Variants in SLC24A2 observed in about 807,000 individuals in gnomAD.
SLC24A2 encodes sodium/potassium/calcium exchanger 2.
Under a neutral mutation model 62.0 loss-of-function variants are expected in SLC24A2, and 36 were observed. The observed-to-expected ratio is 0.58, with a 90% CI of 0.44 to 0.77. The LOEUF (loss-of-function observed/expected upper bound fraction) is 0.77. Among genes scored for constraint, SLC24A2 ranks in the 30% least tolerant of loss-of-function variants. SLC24A2 has a pLI of 0.00. For missense variants in SLC24A2, 846 were observed against 817.9 expected, an observed-to-expected ratio of 1.03 and a Z score of -0.42; for synonymous variants, 358 against 294.0, an observed-to-expected ratio of 1.22 and a Z score of -2.23.
chr9:19,841,251 T>C, the SLC24A2 span, among the ~76,000 whole-genome samples: 1 of 152,094 alleles, frequency 6.6e-6, no homozygotes, highest in African/African-American at 2.4e-5. Context: ...TAACATTATA[T>C]GTCAATAAGT....
At chr9:20,150,956 A>T in the SLC24A2 span, among the ~76,000 whole-genome samples, 1 of 151,896 alleles carries the variant, frequency 6.6e-6, no homozygotes, top group Non-Finnish European at 1.5e-5. Flanking sequence ...GGGAATATGT[A>T]TTACTCTTAC....
intron 2 of SLC24A2, among the ~76,000 whole-genome samples, chr9:19,715,560 C>T (rs1178945139): frequency 1.3e-5 from 2 of 152,018 alleles, no homozygotes; most frequent in Admixed American, 1.3e-4. Flanking sequence ...TTCTGAAAGT[C>T]GAAAGTTTTA....
intron 2 of SLC24A2, among the ~76,000 whole-genome samples, chr9:19,710,200 T>A (rs932254670): frequency 2.6e-5 from 4 of 152,156 alleles, no homozygotes; most frequent in African/African-American, 9.7e-5. Context: ...GATTAATTCA[T>A]CATTCAACAA....
chr9:19,560,743 T>C (rs1361501035), intron 7 of SLC24A2, among the ~76,000 whole-genome samples: 1 of 152,224 alleles, frequency 6.6e-6, no homozygotes, highest in African/African-American at 2.4e-5. Flanking sequence ...CATTTTTGAA[T>C]AGATCTTTTT....
At chr9:19,840,117 C>T in the SLC24A2 span, among the ~76,000 whole-genome samples, 1 of 152,140 alleles carries the variant, frequency 6.6e-6, no homozygotes, top group Non-Finnish European at 1.5e-5. Flanking sequence ...ATCATGGGAA[C>T]TTAAAGGAGA....
intron 7 of SLC24A2, among the ~76,000 whole-genome samples, chr9:19,550,503 T>G (rs1242540004): frequency 2.6e-5 from 4 of 152,194 alleles, no homozygotes; most frequent in African/African-American, 9.6e-5. Flanking sequence ...TGAATGCTCT[T>G]CAGTTTCTCA....
rs1023148551 is a variant in SLC24A2, at chr9:19,544,376, C to G, written c.1479+5761G>C. Among the ~76,000 whole-genome samples the G allele has an allele frequency of 4.0e-5, 6 of 151,218 alleles. No homozygotes were observed. In the East Asian group the frequency reaches 7.8e-4, roughly 20 times the overall value. The stretch of plus-strand genomic sequence containing the variant: ...ATACAGCCACTGATGGGTCTTGACG[C>G]TTATCCAATTTGCCAGTCTGTGTCT... On this transcript the variant is annotated intron_variant, in intron 8 of 10. Transcript: ENST00000341998.
chr9:19,565,334 G>C (rs1360583711), intron 7 of SLC24A2, among the ~76,000 whole-genome samples: 1 of 142,442 alleles, frequency 7.0e-6, no homozygotes, highest in African/African-American at 2.7e-5. Context: ...GACAAACAGA[G>C]AGCCAAATCA....
the SLC24A2 span, among the ~76,000 whole-genome samples, chr9:19,900,331 T>C: frequency 1.3e-5 from 2 of 152,194 alleles, no homozygotes; most frequent in African/African-American, 4.8e-5. Flanking sequence ...ATTACCCAAA[T>C]ATAGGAAAGA....
chr9:20,247,205 G>A, the SLC24A2 span, among the ~76,000 whole-genome samples: 1 of 152,096 alleles, frequency 6.6e-6, no homozygotes, highest in South Asian at 2.1e-4. Context: ...CTAACTGAGG[G>A]CATTTCCTGA....
chr9:20,175,552 T>C, the SLC24A2 span, among the ~76,000 whole-genome samples: 1 of 151,984 alleles, frequency 6.6e-6, no homozygotes, highest in Non-Finnish European at 1.5e-5. Flanking sequence ...AAAAGAAATA[T>C]ATGTGGGAAA....
the SLC24A2 span, among the ~76,000 whole-genome samples, chr9:20,073,478 T>C: frequency 7.2e-5 from 11 of 152,110 alleles, no homozygotes; most frequent in Non-Finnish European, 1.6e-4. Flanking sequence ...ATTCTATTCA[T>C]AGATCCCACC....
At chr9:20,069,563 C>A in the SLC24A2 span, among the ~76,000 whole-genome samples, 3 of 152,090 alleles carry the variant, frequency 2.0e-5, no homozygotes, top group African/African-American at 7.2e-5. Flanking sequence ...ATCCAGGCAT[C>A]CTTTAAAGAT....
At chr9:19,896,055 T>C in the SLC24A2 span, 1 of 1,209,106 alleles carries the variant, frequency 8.3e-7, no homozygotes, top group Non-Finnish European at 1.2e-6. Context: ...TGGGATGCCT[T>C]GCTGGACTGG....
chr9:20,164,312 A>T, the SLC24A2 span, among the ~76,000 whole-genome samples: 1 of 152,098 alleles, frequency 6.6e-6, no homozygotes, highest in Non-Finnish European at 1.5e-5. Context: ...CCCATCAAAA[A>T]GTGGGCAAAG....
At chr9:19,716,484 T>C (rs1587207412) in intron 2 of SLC24A2, among the ~76,000 whole-genome samples, 1 of 152,218 alleles carries the variant, frequency 6.6e-6, no homozygotes, top group East Asian at 1.9e-4. Flanking sequence ...AGGCTTTCAG[T>C]AAATTTTGTT....
the SLC24A2 span, among the ~76,000 whole-genome samples, chr9:20,211,626 G>C: frequency 3.3e-5 from 5 of 152,124 alleles, no homozygotes; most frequent in African/African-American, 4.8e-5. Context: ...AAATATGGTT[G>C]CAAAAACAAA....
chr9:19,598,801 CAT>C (rs1335757524), intron 4 of SLC24A2, among the ~76,000 whole-genome samples: 1 of 152,004 alleles, frequency 6.6e-6, no homozygotes, highest in Non-Finnish European at 1.5e-5. Flanking sequence ...AAATATAAAA[CAT>C]ATGTTCATAG....
At chr9:19,925,763 A>G in the SLC24A2 span, among the ~76,000 whole-genome samples, 2 of 152,210 alleles carry the variant, frequency 1.3e-5, no homozygotes, top group African/African-American at 2.4e-5. Context: ...TATCCTCTTC[A>G]AAATGTAAGG....
Sources: gnomAD v4.1 joint callset for allele counts (sites outside exome capture counted in the v4.1 genomes callset) on GRCh38, gnomAD v4.1.1 for gene constraint, MANE v1.5 for transcripts, NCBI Gene and HGNC (gene_info 2026-07-23, HGNC 2026-07-21) for gene names.